AKIRIN1: variants seen among roughly 807,000 people sequenced by gnomAD.
AKIRIN1 encodes akirin-1.
A neutral mutation model predicts 25.9 loss-of-function variants in AKIRIN1; 4 were observed. That is an observed-to-expected ratio of 0.15 (90% confidence interval 0.08 to 0.35). The LOEUF (loss-of-function observed/expected upper bound fraction) is 0.35. Ranked by LOEUF, AKIRIN1 falls within the 10% of genes least tolerant of loss-of-function variation. AKIRIN1 has a pLI of 1.00. For synonymous variants in AKIRIN1, 125 were observed against 105.1 expected, an observed-to-expected ratio of 1.19 and a Z score of -1.16; for missense variants, 243 against 266.1, an observed-to-expected ratio of 0.91 and a Z score of 0.61.
rs768239092 is a variant in AKIRIN1, at chr1:39,005,091, AGGT to A, written c.*1037_*1039del. 2 of 152,250 alleles carry A rather than the reference AGGT, an allele frequency of 1.3e-5. No individual in the cohort carries two copies. Among genetic ancestry groups the A allele is most frequent in the Non-Finnish European group, 2.9e-5 (2 of 68,084 alleles). 9.4% of individuals were successfully genotyped at this position (152,250 alleles called of 1,614,324 possible). A position where few individuals can be genotyped will look rare whatever the true frequency, so the allele number is the denominator to read the frequency against. On this transcript the variant is annotated 3_prime_UTR_variant, in exon 5 of 5. Transcript: ENST00000432648. ...GAGTCCGAGGCATGCGGATCACTTG[AGGT>A]CAGGAGTTCGAGACCACCCTGGCCA... is the stretch of plus-strand genomic sequence containing the variant.
At chr1:39,000,259 A>G (rs982519115) in intron 2 of AKIRIN1, among the ~76,000 whole-genome samples, 15 of 152,098 alleles carry the variant, frequency 9.9e-5, no homozygotes, top group South Asian at 4.2e-4. Context: ...CCAGGCTGGT[A>G]GAAGCTTATC....
intron 3 of AKIRIN1, among the ~76,000 whole-genome samples, chr1:39,002,207 A>G (rs1281220423): frequency 6.6e-6 from 1 of 152,160 alleles, no homozygotes; most frequent in Non-Finnish European, 1.5e-5. Flanking sequence ...CAGTGTGAGT[A>G]ATTAAGAAAT....
chr1:39,000,064 A>T (rs935275635), intron 2 of AKIRIN1, among the ~76,000 whole-genome samples: 6 of 151,788 alleles, frequency 4.0e-5, no homozygotes, highest in African/African-American at 1.5e-4. Context: ...TTGTATTTTT[A>T]GTAGAGGCGG....
In AKIRIN1 at chr1:39,004,376, G is replaced by C. The variant is rs1016278230; in HGVS notation, c.*321G>C. ...ATGGAGTTTCCCCAAGCACAGTTCT[G>C]TAAGAAGTGCGTGTGAGAGTGTGTG... On this transcript the variant is annotated 3_prime_UTR_variant, in exon 5 of 5. Coordinates refer to ENST00000432648, the MANE Select transcript of AKIRIN1 (RefSeq NM_024595.3). 3.5e-5 allele frequency: 18 copies of C among 510,224 alleles called. No homozygotes were observed. The highest frequency in any genetic ancestry group is 6.4e-5 in the Non-Finnish European group (18 of 279,676). 31.6% of individuals were successfully genotyped at this position (510,224 alleles called of 1,614,324 possible).
Position 38,991,468 on chromosome 1 carries a change from C to A in AKIRIN1, c.88C>A (p.Pro30Thr). Residue 30 changes from proline (P) to threonine (T), a missense_variant, in exon 1 of 5, where the codon CCT (proline) becomes ACT (threonine). Coordinates refer to ENST00000432648, the MANE Select transcript of AKIRIN1 (RefSeq NM_024595.3). ...PGSPKRRRCA[P>T]LPGPTPGLRP... ...CTCCCCGAAGCGGCGGCGCTGCGCC[C>A]CTCTGCCCGGCCCCACTCCGGGCCT... 7.1e-7 allele frequency: 1 copy of A among 1,406,406 alleles called. No individual in the cohort carries two copies. Among genetic ancestry groups the A allele is most frequent in the Non-Finnish European group, 9.2e-7 (1 of 1,086,104 alleles). 87.1% of individuals were successfully genotyped at this position (1,406,406 alleles called of 1,614,324 possible).
intron 1 of AKIRIN1, among the ~76,000 whole-genome samples, chr1:38,994,819 C>T (rs560553824): frequency 1.3e-5 from 2 of 151,374 alleles, no homozygotes; most frequent in African/African-American, 4.9e-5. Flanking sequence ...CCTCCCAGAA[C>T]GCTGGGATTA....
chr1:38,995,923 A>C (rs1230129540), intron 1 of AKIRIN1, among the ~76,000 whole-genome samples: 2 of 151,894 alleles, frequency 1.3e-5, no homozygotes, highest in East Asian at 1.9e-4. Context: ...AATCCAAACT[A>C]CTCTGGAGGC....
At position 39,001,053 on chromosome 1, in the gene AKIRIN1, A is replaced by T; in HGVS notation, c.443A>T (p.Tyr148Phe). The change falls in exon 3 of 5, where the codon TAT becomes TTT. Residue 148 changes from tyrosine (Y) to phenylalanine (F), a missense_variant. This residue lies in a region of AKIRIN1 where 190 missense variants were observed against 174.4 expected (regional missense o/e 1.09). Transcript: ENST00000432648. Reference protein sequence around the residue: ...GIICERLLKDYEDKIREEYEQ... With the variant: ...GIICERLLKDFEDKIREEYEQ... ...ATATGTGAGCGCCTCTTAAAAGACT[A>T]TGAAGATAAAATTCGGGAGGAGTAT... The T allele has an allele frequency of 2.5e-6, 4 of 1,614,036 alleles. No homozygotes were observed. Among genetic ancestry groups the T allele is most frequent in the Non-Finnish European group, 3.4e-6 (4 of 1,179,968 alleles).
At chr1:39,001,932 T>G (rs1436628915) in intron 3 of AKIRIN1, among the ~76,000 whole-genome samples, 1 of 152,100 alleles carries the variant, frequency 6.6e-6, no homozygotes, top group Admixed American at 6.6e-5. Context: ...TGGGTGTGAT[T>G]TGGGAGGAAC....
At chr1:38,998,404 G>T in intron 2 of AKIRIN1, 93 bp downstream of exon 2, 4 of 1,345,242 alleles carry the variant, frequency 3.0e-6, no homozygotes, top group Non-Finnish European at 4.0e-6. Context: ...TAATGTAATA[G>T]AATTGCTAAC....
intron 1 of AKIRIN1, among the ~76,000 whole-genome samples, chr1:38,992,458 G>GT (rs560007817): frequency 2.0e-5 from 3 of 152,136 alleles, no homozygotes; most frequent in Non-Finnish European, 2.9e-5. Context: ...TGGGCAAGTC[G>GT]TTTCTTTGTG....
In AKIRIN1 at chr1:38,991,325, C is replaced by G; in HGVS notation, c.-56C>G. Reference sequence around the variant, plus strand: ...TTGGCTGGCGAGCCCGGCTGAGGAGCCTCTTGGGCCGCACTTACCGCCGCG... The same window carrying G: ...TTGGCTGGCGAGCCCGGCTGAGGAGGCTCTTGGGCCGCACTTACCGCCGCG... On this transcript the variant is annotated 5_prime_UTR_variant, in exon 1 of 5. Coordinates refer to ENST00000432648, the MANE Select transcript of AKIRIN1 (RefSeq NM_024595.3). 2.3e-6 allele frequency: 3 copies of G among 1,292,510 alleles called. No homozygotes were observed. Among genetic ancestry groups the G allele is most frequent in the Middle Eastern group, 2.9e-4 (1 of 3,406 alleles). The allele number at this position is 1,292,510 out of a possible 1,614,324, so 80.1% of individuals were successfully genotyped here.
At chr1:38,993,008 A>G (rs929236517) in intron 1 of AKIRIN1, among the ~76,000 whole-genome samples, 4 of 152,216 alleles carry the variant, frequency 2.6e-5, no homozygotes, top group Non-Finnish European at 4.4e-5. Context: ...ATAGATGGCC[A>G]CTTGCAGTGA....
chr1:38,993,803 GCTCA>G (rs2148064724), intron 1 of AKIRIN1, among the ~76,000 whole-genome samples: 1 of 152,210 alleles, frequency 6.6e-6, no homozygotes, highest in Non-Finnish European at 1.5e-5. Context: ...GGGCGCAGTG[GCTCA>G]CTCCTATAAT....
intron 2 of AKIRIN1, among the ~76,000 whole-genome samples, chr1:38,998,721 T>C (rs1643966178): frequency 1.3e-5 from 2 of 151,966 alleles, no homozygotes; most frequent in Non-Finnish European, 2.9e-5. Flanking sequence ...CTGGCCAACA[T>C]GGCAAAACCT....
intron 1 of AKIRIN1, among the ~76,000 whole-genome samples, chr1:38,993,945 C>T (rs1570970807): frequency 6.6e-6 from 1 of 150,776 alleles, no homozygotes; most frequent in South Asian, 2.1e-4. Context: ...TGGTGCATGC[C>T]TGTAATCCCA....
rs1241812113 is a variant in AKIRIN1 at position 39,005,690 on chromosome 1, G to GTA, written c.*1636_*1637dup. Reference sequence around the variant, plus strand: ...CAAATGTATGCCAATACCTTCCAAAGTAAGGTAATATTCAGAGACAGTTGT... The same window carrying GTA: ...CAAATGTATGCCAATACCTTCCAAAGTATAAGGTAATATTCAGAGACAGTTGT... On this transcript the variant is annotated 3_prime_UTR_variant, in exon 5 of 5. Coordinates refer to ENST00000432648, the MANE Select transcript of AKIRIN1 (RefSeq NM_024595.3). 2 of 152,114 alleles carry GTA rather than the reference G, an allele frequency of 1.3e-5. No individual in the cohort carries two copies. Among genetic ancestry groups the GTA allele is most frequent in the Non-Finnish European group, 2.9e-5 (2 of 68,026 alleles). 9.4% of individuals were successfully genotyped at this position (152,114 alleles called of 1,614,324 possible).
chr1:38,997,800 T>G (rs1251276480), intron 1 of AKIRIN1, among the ~76,000 whole-genome samples: 1 of 152,220 alleles, frequency 6.6e-6, no homozygotes, highest in Non-Finnish European at 1.5e-5. Context: ...TAATCCCTGT[T>G]AGGTAAACAG....
In AKIRIN1 at chr1:38,991,677, G is replaced by GTGGCC; in HGVS notation, c.220+77_220+78insTGGCC. 18 of 192,408 alleles carry GTGGCC rather than the reference G, an allele frequency of 9.4e-5. 2 individuals carry two copies. Among genetic ancestry groups the GTGGCC allele is most frequent in the East Asian group, 2.1e-4 (1 of 4,850 alleles). The allele number at this position is 192,408 out of a possible 1,614,324, so 11.9% of individuals were successfully genotyped here. On this transcript the variant is annotated intron_variant, in intron 1 of 4. Coordinates refer to ENST00000432648, the MANE Select transcript of AKIRIN1 (RefSeq NM_024595.3). ...GGGGGGGGTGGTGGGGGAGGGTTGG[G>GTGGCC]AATACCAGGCCAGTTTACCCAGGGA...
Sources: allele counts gnomAD v4.1 joint callset (sites outside exome capture counted in the v4.1 genomes callset), GRCh38; gene constraint gnomAD v4.1.1; regional missense constraint gnomAD v4.1.1; transcripts MANE v1.5; gene names NCBI Gene and HGNC (gene_info 2026-07-23, HGNC 2026-07-21).